The following CBFA2T3 variants were observed in gnomAD, a reference collection of about 807,000 sequenced individuals.
CBFA2T3 encodes CBFA2/RUNX1 partner transcriptional co-repressor 3.
In CBFA2T3, 31 loss-of-function variants were observed where a neutral mutation model predicts 58.6. That is an observed-to-expected ratio of 0.53 (90% CI 0.40 to 0.71). The LOEUF (loss-of-function observed/expected upper bound fraction) is 0.71, where lower values mean the gene tolerates loss of function less well. CBFA2T3 is among the 30% of genes least tolerant of loss of function. The pLI is 0.00. For missense variants in CBFA2T3, 1,076 were observed against 963.1 expected, an observed-to-expected ratio of 1.12 and a Z score of -1.55; for synonymous variants, 531 against 421.9, an observed-to-expected ratio of 1.26 and a Z score of -3.17.
rs775197211 is a variant in CBFA2T3 at position 88,901,700 on chromosome 16, T to C, written c.152-44A>G. The C allele has an allele frequency of 2.0e-6, 3 of 1,503,302 alleles. No homozygotes were observed. In the South Asian group the frequency reaches 4.0e-5, roughly 20 times the overall value. 93.1% of individuals were successfully genotyped at this position (1,503,302 alleles called of 1,614,324 possible). On this transcript the variant is annotated intron_variant, in intron 1 of 11. Transcript: ENST00000268679. ...GAAAGAGTCGGTGAAGCAGGCTAAGTGCAAAGGCCAGGGCCCGCAGCCCCA... is the reference window on the plus strand; with the variant it reads ...GAAAGAGTCGGTGAAGCAGGCTAAGCGCAAAGGCCAGGGCCCGCAGCCCCA...
chr16:88,896,798 C>T (rs1017366009), intron 3 of CBFA2T3, among the ~76,000 whole-genome samples: 4 of 152,220 alleles, frequency 2.6e-5, no homozygotes, highest in African/African-American at 9.6e-5. Context: ...CCCGGCCAGC[C>T]TGGGCCTGGC....
chr16:88,891,736 C>G (rs574446218), intron 5 of CBFA2T3, 146 bp downstream of exon 5: 7 of 625,868 alleles, frequency 1.1e-5, no homozygotes, highest in South Asian at 5.5e-5. Context: ...TGGCCAAGAT[C>G]GATGCCTCAC....
At chr16:88,949,963 G>A (rs1414987439) in intron 1 of CBFA2T3, among the ~76,000 whole-genome samples, 1 of 152,028 alleles carries the variant, frequency 6.6e-6, no homozygotes, top group Non-Finnish European at 1.5e-5. Context: ...GAGCCAAAAT[G>A]GTGCCACTGC....
intron 1 of CBFA2T3, chr16:88,938,084 C>T (rs9925284): frequency 0.28 from 42,134 of 152,290 alleles, 6,907 homozygotes; most frequent in Middle Eastern, 0.49. Context: ...CTAGAGCAGC[C>T]GGGATGAGGC....
At chr16:88,906,495 T>C (rs1970339290) in intron 1 of CBFA2T3, among the ~76,000 whole-genome samples, 1 of 152,158 alleles carries the variant, frequency 6.6e-6, no homozygotes, top group Admixed American at 6.5e-5. Context: ...ATCAAACCAC[T>C]TGGAAAAATA....
At chr16:88,916,993 G>C (rs1970759313) in intron 1 of CBFA2T3, among the ~76,000 whole-genome samples, 1 of 150,894 alleles carries the variant, frequency 6.6e-6, no homozygotes, top group African/African-American at 2.4e-5. Flanking sequence ...AGATTCGCTT[G>C]AACCAGGGAG....
chr16:88,944,330 C>A (rs1435068236), intron 1 of CBFA2T3, among the ~76,000 whole-genome samples: 1 of 138,848 alleles, frequency 7.2e-6, no homozygotes, highest in Non-Finnish European at 1.5e-5. Context: ...GAGCGAGACT[C>A]CATCTCAAAA....
At chr16:88,927,915 A>G (rs966170170) in intron 1 of CBFA2T3, among the ~76,000 whole-genome samples, 1 of 152,208 alleles carries the variant, frequency 6.6e-6, no homozygotes, top group Non-Finnish European at 1.5e-5. Context: ...AAAGCCGCAG[A>G]TGCTGACACG....
chr16:88,934,099 T>G (rs1971409691), intron 1 of CBFA2T3, among the ~76,000 whole-genome samples: 1 of 152,262 alleles, frequency 6.6e-6, no homozygotes, highest in South Asian at 2.1e-4. Context: ...CAGTCTGAAA[T>G]GATCCACGCC....
In CBFA2T3 at chr16:88,885,797, C is replaced by G. The variant is rs1969343628; in HGVS notation, c.893+164G>C. The G allele has an allele frequency of 1.6e-6, 1 of 628,682 alleles. No homozygotes were observed. Among genetic ancestry groups the G allele is most frequent in the African/African-American group, 1.8e-5 (1 of 54,100 alleles). 38.9% of individuals were successfully genotyped at this position (628,682 alleles called of 1,614,324 possible). A position where few individuals can be genotyped will look rare whatever the true frequency, so the allele number is the denominator to read the frequency against. ...CTGGGGTGTCCGCCCGTGCAGCCACCAAGCCTGCTGGCCCTAGTACACCTC... is the reference window on the plus strand; with the variant it reads ...CTGGGGTGTCCGCCCGTGCAGCCACGAAGCCTGCTGGCCCTAGTACACCTC... On this transcript the variant is annotated intron_variant, in intron 6 of 11. Coordinates refer to ENST00000268679, the MANE Select transcript of CBFA2T3 (RefSeq NM_005187.6). This position sits in a 1 kb window ranked among gnomAD's most constrained non-coding sequence, Gnocchi z 5.3.
At chr16:88,950,193 T>C in intron 1 of CBFA2T3, 1 of 456,862 alleles carries the variant, frequency 2.2e-6, no homozygotes, top group Non-Finnish European at 4.4e-6. Context: ...CACATCGGTC[T>C]GTTCACCCCT....
intron 5 of CBFA2T3, among the ~76,000 whole-genome samples, chr16:88,888,881 G>T (rs1969508371): frequency 6.6e-6 from 1 of 151,874 alleles, no homozygotes; most frequent in African/African-American, 2.4e-5. Context: ...TGTACCAAGG[G>T]GAGACTGAGG....
rs149262181 is a variant in CBFA2T3, at chr16:88,958,960, C to T, written c.151+17697G>A. On this transcript the variant is annotated intron_variant, in intron 1 of 11. Transcript: ENST00000268679. This position sits in a 1 kb window ranked among gnomAD's most constrained non-coding sequence, Gnocchi z 4.0. Reference sequence around the variant, plus strand: ...AGAGGGCTGATTCCTCTCTCTGCCCCGACCCCTGGCAACCCTGTCAGCTGC... The same window carrying T: ...AGAGGGCTGATTCCTCTCTCTGCCCTGACCCCTGGCAACCCTGTCAGCTGC... Among the ~76,000 whole-genome samples, 1,443 of 152,264 alleles carry T rather than the reference C, an allele frequency of 9.5e-3. 27 individuals carry two copies. The highest frequency in any genetic ancestry group is 0.033 in the African/African-American group (1,376 of 41,542).
In CBFA2T3 at chr16:88,971,760, C is replaced by T. The variant is rs546955357; in HGVS notation, c.151+4897G>A. 2.4e-4 allele frequency among the ~76,000 whole-genome samples: 36 copies of T among 152,332 alleles called. No homozygotes were observed. In the South Asian group the frequency reaches 3.1e-3, roughly 13 times the overall value. On this transcript the variant is annotated intron_variant, in intron 1 of 11. Coordinates refer to ENST00000268679, the MANE Select transcript of CBFA2T3 (RefSeq NM_005187.6). The stretch of plus-strand genomic sequence containing the variant: ...CTGCTTCTCTCCAGCTGCCCCTGGC[C>T]GACGTCTCCTCGGAGGAGCACTGGC...
intron 1 of CBFA2T3, among the ~76,000 whole-genome samples, chr16:88,904,165 G>A (rs1350801715): frequency 6.6e-6 from 1 of 152,216 alleles, no homozygotes; most frequent in Non-Finnish European, 1.5e-5. Flanking sequence ...AGAGCAGACA[G>A]TGCCCTGCCG....
chr16:88,965,804 T>C (rs1972486568), intron 1 of CBFA2T3, among the ~76,000 whole-genome samples: 2 of 152,112 alleles, frequency 1.3e-5, no homozygotes, highest in African/African-American at 4.8e-5. Flanking sequence ...TTGTAAGCAA[T>C]TTCATCTTAT....
chr16:88,895,557 G>T (rs939029000), intron 3 of CBFA2T3, among the ~76,000 whole-genome samples: 1 of 152,266 alleles, frequency 6.6e-6, no homozygotes, highest in Admixed American at 6.5e-5. Flanking sequence ...AGCAAACAGC[G>T]CTGGGCACAG....
chr16:88,903,574 G>A (rs1970182449), intron 1 of CBFA2T3, among the ~76,000 whole-genome samples: 1 of 152,100 alleles, frequency 6.6e-6, no homozygotes, highest in South Asian at 2.1e-4. Flanking sequence ...AACACCGCCT[G>A]GCTGCAGGGC....
At position 88,880,713 on chromosome 16, in the gene CBFA2T3, C is replaced by T. The variant is rs974950837; in HGVS notation, c.1471+7G>A. ...TCTGCTGGCCAGGCCCCTGCACCCC[C>T]ACTCACCAGCCTTCCTCCAGATGTC... On this transcript the variant is annotated splice_region_variant and intron_variant, in intron 10 of 11. Coordinates refer to ENST00000268679, the MANE Select transcript of CBFA2T3 (RefSeq NM_005187.6). 1.3e-6 allele frequency: 2 copies of T among 1,555,964 alleles called. No individual in the cohort carries two copies. Among genetic ancestry groups the T allele is most frequent in the Admixed American group, 1.9e-5 (1 of 53,036 alleles).
Sources: gnomAD v4.1 joint callset for allele counts (sites outside exome capture counted in the v4.1 genomes callset) on GRCh38, gnomAD v4.1.1 for gene constraint, Gnocchi (gnomAD v3.1) non-coding constraint, MANE v1.5 for transcripts, NCBI Gene and HGNC (gene_info 2026-07-23, HGNC 2026-07-21) for gene names.